TTLL13: variants seen among roughly 807,000 people sequenced by gnomAD.
The protein encoded by TTLL13 is tubulin tyrosine ligase like 13.
At chr15:90,262,180 G>A in the TTLL13 span, 10 of 1,532,996 alleles carry the variant, frequency 6.5e-6, no homozygotes, top group South Asian at 8.4e-5. Flanking sequence ...AGGCCAGAGA[G>A]GAGTGTGCCA....
the TTLL13 span, chr15:90,257,536 G>C: frequency 1.7e-6 from 2 of 1,149,352 alleles, no homozygotes; most frequent in Non-Finnish European, 2.5e-6. Flanking sequence ...GACAGGAGAC[G>C]AGAGATCCTC....
At chr15:90,250,997 AAG>A in the TTLL13 span, 1 of 1,405,496 alleles carries the variant, frequency 7.1e-7, no homozygotes. Context: ...TAGCCTACAA[AAG>A]AGGACAGGAA....
chr15:90,255,717 C>G, the TTLL13 span: 2 of 1,613,938 alleles, frequency 1.2e-6, no homozygotes, highest in Non-Finnish European at 1.7e-6. Context: ...GGAAATGCCA[C>G]TTACTCTGGG....
the TTLL13 span, chr15:90,265,124 A>C: frequency 8.1e-7 from 1 of 1,241,642 alleles, no homozygotes; most frequent in South Asian, 1.6e-5. Flanking sequence ...AGACACCAAG[A>C]ATTCCTCAAT....
the TTLL13 span, among the ~76,000 whole-genome samples, chr15:90,253,861 C>T: frequency 0.27 from 40,926 of 152,112 alleles, 6,435 homozygotes; most frequent in East Asian, 0.67. Flanking sequence ...TCTAATTGGG[C>T]GTTTGTGGTG....
At chr15:90,256,545 TTTTCTTTCTTTCTTTCTTTCTTTC>T in the TTLL13 span, among the ~76,000 whole-genome samples, 39 of 105,500 alleles carry the variant, frequency 3.7e-4, no homozygotes, top group African/African-American at 5.8e-4. Context: ...TCTCCTTCCT[TTTTCTTTCTTTCTTTCTTTCTTTC>T]TTTCTTTCTT....
chr15:90,254,821 G>C, the TTLL13 span, among the ~76,000 whole-genome samples: 1 of 152,148 alleles, frequency 6.6e-6, no homozygotes, highest in African/African-American at 2.4e-5. Context: ...ACTCCAGCCT[G>C]GGCGACAGAG....
At chr15:90,253,516 A>G in the TTLL13 span, 35 of 514,420 alleles carry the variant, frequency 6.8e-5, no homozygotes, top group South Asian at 9.4e-4. Flanking sequence ...TTCTTTTCCA[A>G]TGGAAAGATC....
At chr15:90,259,914 T>C in the TTLL13 span, among the ~76,000 whole-genome samples, 1 of 152,362 alleles carries the variant, frequency 6.6e-6, no homozygotes, top group Non-Finnish European at 1.5e-5. Context: ...AGTACATGTA[T>C]AGTTATCACT....
the TTLL13 span, among the ~76,000 whole-genome samples, chr15:90,261,050 T>G: frequency 1.3e-5 from 2 of 151,786 alleles, no homozygotes; most frequent in Non-Finnish European, 2.9e-5. Context: ...AAATTTTCTG[T>G]AATGAACGTA....
the TTLL13 span, chr15:90,263,071 C>T: frequency 1.0e-5 from 16 of 1,536,138 alleles, no homozygotes; most frequent in Non-Finnish European, 1.3e-5. Flanking sequence ...CATCCGAAGC[C>T]TGGGTATTGT....
the TTLL13 span, chr15:90,250,542 G>C: frequency 1.4e-6 from 2 of 1,479,464 alleles, no homozygotes; most frequent in East Asian, 4.6e-5. Flanking sequence ...CGTTCTGGTG[G>C]ATTCCTTCAG....
chr15:90,254,123 G>A, the TTLL13 span, among the ~76,000 whole-genome samples: 1 of 152,020 alleles, frequency 6.6e-6, no homozygotes, highest in African/African-American at 2.4e-5. Context: ...AACCCAGGAG[G>A]TGGAGGTTGC....
the TTLL13 span, among the ~76,000 whole-genome samples, chr15:90,256,503 G>C: frequency 3.0e-3 from 459 of 151,810 alleles, 5 homozygotes; most frequent in African/African-American, 0.01. Flanking sequence ...TGTGACCTTG[G>C]GCAAGTTTCT....
the TTLL13 span, chr15:90,257,547 G>C: frequency 2.5e-6 from 3 of 1,220,020 alleles, no homozygotes; most frequent in African/African-American, 1.5e-5. Context: ...AGAGATCCTC[G>C]GGAGGGGTGG....
chr15:90,250,638 C>G, the TTLL13 span: 7 of 1,613,070 alleles, frequency 4.3e-6, no homozygotes, highest in South Asian at 7.7e-5. Context: ...AGAATGGAGC[C>G]GAGTACCTGT....
At chr15:90,251,114 C>CGTTTTTTTT in the TTLL13 span, among the ~76,000 whole-genome samples, 1 of 104,672 alleles carries the variant, frequency 9.6e-6, no homozygotes, top group African/African-American at 3.7e-5. Context: ...CCTGGTCTGT[C>CGTTTTTTTT]TTTTTTTTTT....
chr15:90,254,734 C>T, the TTLL13 span, among the ~76,000 whole-genome samples: 41,260 of 151,052 alleles, frequency 0.27, 6,574 homozygotes, highest in East Asian at 0.7. Context: ...TAGTCCCAGC[C>T]ACTTGGGAGG....
chr15:90,253,293 G>A, the TTLL13 span: 10 of 1,613,754 alleles, frequency 6.2e-6, no homozygotes, highest in Non-Finnish European at 7.6e-6. Flanking sequence ...GGTGGGGGAG[G>A]ATGAAGAGTG....
Sources: allele counts gnomAD v4.1 joint callset (sites outside exome capture counted in the v4.1 genomes callset), GRCh38; gene constraint gnomAD v4.1.1; transcripts MANE v1.5; gene names NCBI Gene and HGNC (gene_info 2026-07-23, HGNC 2026-07-21).